Variants in KLC3 observed in about 807,000 individuals in gnomAD.
KLC3 encodes the protein kinesin light chain 3.
KLC3 carries 72 observed loss-of-function variants against 62.9 expected under a neutral mutation model. The ratio of observed to expected loss-of-function variants is 1.15; its 90% CI spans 0.95 to 1.39. The LOEUF (loss-of-function observed/expected upper bound fraction) is 1.39. Among genes scored for constraint, KLC3 ranks in the 40% most tolerant of loss-of-function variants. The probability of loss-of-function intolerance (pLI) is 0.00; values close to 1 mark genes in which losing one functional copy is unlikely to be tolerated. For synonymous variants in KLC3, 377 were observed against 300.5 expected, an observed-to-expected ratio of 1.25 and a Z score of -2.63; for missense variants, 848 against 691.6, an observed-to-expected ratio of 1.23 and a Z score of -2.54.
intron 8 of KLC3, 147 bp from the exon 9 acceptor site, chr19:45,350,194 G>A: frequency 1.6e-6 from 1 of 637,466 alleles, no homozygotes; most frequent in Non-Finnish European, 2.7e-6. Context: ...GGCCAAGGCA[G>A]GAGGATCACT....
At chr19:45,347,220 T>C (rs1037121341) in intron 3 of KLC3, 81 of 518,904 alleles carry the variant, frequency 1.6e-4, no homozygotes, top group Admixed American at 4.2e-4. Context: ...CACATGCCTG[T>C]AATCCCAGCT....
chr19:45,350,798 G>GGGC, intron 11 of KLC3, 51 bp downstream of exon 11: 1 of 1,434,604 alleles, frequency 7.0e-7, no homozygotes, highest in Non-Finnish European at 9.6e-7. Context: ...AGAATCCACA[G>GGGC]CCCACCCCAC....
At chr19:45,341,149 G>A (rs1971384711) in intron 1 of KLC3, among the ~76,000 whole-genome samples, 1 of 151,990 alleles carries the variant, frequency 6.6e-6, no homozygotes, top group African/African-American at 2.4e-5. Context: ...CGGCTTGCGG[G>A]GCTGGGCCAC....
In KLC3 at chr19:45,348,747, C is replaced by T. The variant is rs754388090; in HGVS notation, c.867+14C>T. 1.3e-6 allele frequency: 2 copies of T among 1,574,466 alleles called. No individual in the cohort carries two copies. Among genetic ancestry groups the T allele is most frequent in the Admixed American group, 3.7e-5 (2 of 53,806 alleles). Reference sequence around the variant, plus strand: ...GAGCACCCCGCGGTGAGTGGGGCCCCAGGGAGACGAAGTGGGGTCAAAGTG... The same window carrying T: ...GAGCACCCCGCGGTGAGTGGGGCCCTAGGGAGACGAAGTGGGGTCAAAGTG... On this transcript the variant is annotated intron_variant, in intron 6 of 12. Coordinates refer to ENST00000391946, the MANE Select transcript of KLC3 (RefSeq NM_177417.3).
chr19:45,348,986 G>A (rs1008038549), intron 7 of KLC3, 65 bp downstream of exon 7: 4 of 1,390,008 alleles, frequency 2.9e-6, no homozygotes, highest in South Asian at 1.3e-5. Context: ...CAGGGATGCT[G>A]AGCACGTACA....
intron 12 of KLC3, 50 bp from the exon 13 acceptor site, chr19:45,351,236 A>G (rs1180792128): frequency 1.9e-6 from 3 of 1,586,272 alleles, no homozygotes; most frequent in Non-Finnish European, 2.6e-6. Flanking sequence ...GGGTGGATGT[A>G]ACACTTGCCC....
At position 45,350,361 on chromosome 19, in the gene KLC3, G is replaced by A. The variant is rs755453083; in HGVS notation, c.1164G>A (p.Gln388=). The A allele has an allele frequency of 1.4e-5, 22 of 1,613,218 alleles. No individual in the cohort carries two copies. In the African/African-American group the frequency reaches 2.8e-4, roughly 21 times the overall value. ...KNNLASAYLK[Q]NKYQQAEELY... is the part of the protein sequence containing the mutation. ...CGCAGGCCTCAGCCTACCTGAAACA[G>A]AACAAGTATCAACAAGCGGAAGAGC... Residue 388 remains glutamine, a synonymous_variant, in exon 9 of 13, where the codon CAG becomes CAA. Coordinates refer to ENST00000391946, the MANE Select transcript of KLC3 (RefSeq NM_177417.3).
At chr19:45,343,514 T>C (rs1971430911) in intron 1 of KLC3, among the ~76,000 whole-genome samples, 1 of 152,080 alleles carries the variant, frequency 6.6e-6, no homozygotes, top group Admixed American at 6.6e-5. Flanking sequence ...TTTGTATTTT[T>C]AGTAGAGCCG....
At chr19:45,341,578 T>TGTGTGTGTGTGCGCGCGCGCGCGC in intron 1 of KLC3, among the ~76,000 whole-genome samples, 11 of 139,896 alleles carry the variant, frequency 7.9e-5, no homozygotes, top group East Asian at 6.2e-4. Context: ...TGTGTGTGTG[T>TGTGTGTGTGTGCGCGCGCGCGCGC]GCGCGCGCGC....
intron 3 of KLC3, 72 bp from the exon 4 acceptor site, chr19:45,347,375 A>T: frequency 4.7e-6 from 5 of 1,055,558 alleles, no homozygotes; most frequent in African/African-American, 1.6e-5. Context: ...CAAAAACCTG[A>T]GATAGAGCCA....
intron 5 of KLC3, 148 bp from the exon 6 acceptor site, chr19:45,348,498 A>AG: frequency 1.3e-6 from 1 of 741,116 alleles, no homozygotes; most frequent in Non-Finnish European, 2.3e-6. Flanking sequence ...CGAAATATGG[A>AG]GGGGCCCACA....
rs542249645 is a variant in KLC3 at position 45,347,497 on chromosome 19, CGAG to C, written c.550_552del (p.Glu184del). ...ACAGCCTGGCCTCCCTGTTCCCCAG[CGAG>C]GAGGAGGAGAGGAAAGGTGGGTGTT... is the stretch of plus-strand genomic sequence containing the variant. On this transcript the variant is annotated inframe_deletion, in exon 4 of 13. Transcript: ENST00000391946. 355 of 1,611,678 alleles carry C rather than the reference CGAG, an allele frequency of 2.2e-4. 1 individual carries two copies. The African/African-American group carries it at 3.4e-3, about 15-fold the overall frequency.
At chr19:45,341,578 T>TGTGCGCGCGCGCGC in intron 1 of KLC3, among the ~76,000 whole-genome samples, 51 of 139,888 alleles carry the variant, frequency 3.6e-4, no homozygotes, top group South Asian at 7.1e-4. Context: ...TGTGTGTGTG[T>TGTGCGCGCGCGCGC]GCGCGCGCGC....
chr19:45,343,289 C>A (rs1568520170), intron 1 of KLC3, among the ~76,000 whole-genome samples: 1 of 152,018 alleles, frequency 6.6e-6, no homozygotes, highest in South Asian at 2.1e-4. Flanking sequence ...GTGGGAGAGA[C>A]AGAGTTAGTT....
Position 45,351,037 on chromosome 19 carries a change from CAA to C in KLC3, c.1443+24_1443+25del, listed in dbSNP as rs765102210. The C allele has an allele frequency of 6.2e-6, 10 of 1,613,808 alleles. No homozygotes were observed. The Admixed American group carries it at 1.7e-4, about 27-fold the overall frequency. On this transcript the variant is annotated intron_variant, in intron 12 of 12. Coordinates refer to ENST00000391946, the MANE Select transcript of KLC3 (RefSeq NM_177417.3). ...ACTCAGGTGAGGGGGACATCTGGGTCAAAAATAGAGGAGGCCATGTGGGTAGG... is the reference window on the plus strand; with the variant it reads ...ACTCAGGTGAGGGGGACATCTGGGTCAAATAGAGGAGGCCATGTGGGTAGG...
chr19:45,349,308 C>G lies in KLC3; in HGVS notation c.970-121C>G, dbSNP rs1971596902. 3 of 1,025,548 alleles carry G rather than the reference C, an allele frequency of 2.9e-6. No individual in the cohort carries two copies. In the African/African-American group the frequency reaches 4.8e-5, roughly 16 times the overall value. The allele number at this position is 1,025,548 out of a possible 1,614,324, so 63.5% of individuals were successfully genotyped here. A position where few individuals can be genotyped will look rare whatever the true frequency, so the allele number is the denominator to read the frequency against. Reference sequence around the variant, plus strand: ...ATAACTTGTGTCCCCAGCCCCCAACCTCTCAGGTCACTCTCTGCTTTGACC... The same window carrying G: ...ATAACTTGTGTCCCCAGCCCCCAACGTCTCAGGTCACTCTCTGCTTTGACC... On this transcript the variant is annotated intron_variant, in intron 7 of 12. Transcript: ENST00000391946.
chr19:45,345,662 C>A lies in KLC3; in HGVS notation c.121C>A (p.His41Asn). 6.3e-7 allele frequency: 1 copy of A among 1,582,700 alleles called. No homozygotes were observed. The highest frequency in any genetic ancestry group is 1.8e-5 in the Admixed American group (1 of 54,498). Residue 41 changes from histidine to asparagine, a missense_variant, in exon 2 of 13, where the codon CAC becomes AAC. By Grantham distance (68) the His-to-Asn change is moderately conservative. Coordinates refer to ENST00000391946, the MANE Select transcript of KLC3 (RefSeq NM_177417.3). ...VQGLEALRAE[H>N]HGLAGHLAEA... ...GGGGCTGGAGGCGCTGCGGGCAGAG[C>A]ACCATGGCCTGGCTGGGCACCTGGC...
intron 1 of KLC3, chr19:45,344,811 C>T (rs1350767400): frequency 1.3e-5 from 2 of 152,770 alleles, no homozygotes; most frequent in Admixed American, 6.5e-5. Context: ...ATACCTGGAC[C>T]ACACCTATCA....
chr19:45,351,238 C>T (rs768501003), intron 12 of KLC3, 48 bp from the exon 13 acceptor site: 4 of 1,585,110 alleles, frequency 2.5e-6, no homozygotes, highest in South Asian at 2.3e-5. Flanking sequence ...GTGGATGTAA[C>T]ACTTGCCCCT....
Sources: allele counts gnomAD v4.1 joint callset (sites outside exome capture counted in the v4.1 genomes callset), GRCh38; gene constraint gnomAD v4.1.1; transcripts MANE v1.5; gene names NCBI Gene and HGNC (gene_info 2026-07-23, HGNC 2026-07-21).